Variants in RAD50 observed in about 807,000 individuals in gnomAD.
The protein encoded by RAD50 is RAD50 double strand break repair protein.
Under a neutral mutation model 168.8 loss-of-function variants are expected in RAD50, and 132 were observed. That is an observed-to-expected ratio of 0.78 (90% CI 0.68 to 0.90). The LOEUF is 0.90. RAD50 is among the 40% of genes least tolerant of loss of function. The pLI is 0.00. For synonymous variants in RAD50, 525 were observed against 497.4 expected, an observed-to-expected ratio of 1.06 and a Z score of -0.74; for missense variants, 1,347 against 1,534.4, an observed-to-expected ratio of 0.88 and a Z score of 2.04.
At chr5:132,625,614 C>T (rs1751361422) in intron 21 of RAD50, among the ~76,000 whole-genome samples, 1 of 152,098 alleles carries the variant, frequency 6.6e-6, no homozygotes, top group Non-Finnish European at 1.5e-5. Flanking sequence ...ACTGTAGTCA[C>T]TCTGTTGTGC....
At chr5:132,588,619 A>C (rs1750638518) in intron 7 of RAD50, 68 bp from the exon 8 acceptor site, 3 of 1,428,204 alleles carry the variant, frequency 2.1e-6, no homozygotes, top group African/African-American at 2.9e-5. Context: ...ATAACTCGTG[A>C]ATCTGCAGCT....
Position 132,642,765 on chromosome 5 carries a change from T to TTTAC in RAD50, c.*404_*407dup, listed in dbSNP as rs1254741270. On this transcript the variant is annotated 3_prime_UTR_variant, in exon 25 of 25. Coordinates refer to ENST00000378823, the MANE Select transcript of RAD50 (RefSeq NM_005732.4). ...ATCATAGTTAAATGTTACCTCTGAATTTACTTCCTTGCATGTGGTTTGAAA... is the reference window on the plus strand; with the variant it reads ...ATCATAGTTAAATGTTACCTCTGAATTTACTTACTTCCTTGCATGTGGTTTGAAA... 2.8e-6 allele frequency: 1 copy of TTTAC among 362,468 alleles called. No individual in the cohort carries two copies. Among genetic ancestry groups the TTTAC allele is most frequent in the Non-Finnish European group, 5.3e-6 (1 of 188,704 alleles). 22.5% of individuals were successfully genotyped at this position (362,468 alleles called of 1,614,324 possible). A position where few individuals can be genotyped will look rare whatever the true frequency, so the allele number is the denominator to read the frequency against.
At chr5:132,603,789 T>C in intron 14 of RAD50, 131 bp from the exon 15 acceptor site, 1 of 937,530 alleles carries the variant, frequency 1.1e-6, no homozygotes, top group South Asian at 1.7e-5. Context: ...TATTAAACTT[T>C]GCTAAAATTG....
At chr5:132,571,629 G>T (rs1334443670) in intron 2 of RAD50, among the ~76,000 whole-genome samples, 2 of 152,076 alleles carry the variant, frequency 1.3e-5, no homozygotes, top group Non-Finnish European at 2.9e-5. Context: ...GAGGTAGGAG[G>T]ATTGCTTATG....
At chr5:132,587,276 T>C (rs1404224561) in intron 5 of RAD50, among the ~76,000 whole-genome samples, 2 of 152,146 alleles carry the variant, frequency 1.3e-5, no homozygotes, top group Non-Finnish European at 2.9e-5. Flanking sequence ...AAATGCCCAA[T>C]GAATGAATAA....
intron 2 of RAD50, among the ~76,000 whole-genome samples, chr5:132,565,231 T>C (rs1750186174): frequency 6.6e-6 from 1 of 152,152 alleles, no homozygotes; most frequent in Non-Finnish European, 1.5e-5. Flanking sequence ...TTGCTTCCTG[T>C]ATAGCATGTG....
rs1751787068 is a variant in RAD50 at position 132,643,689 on chromosome 5, A to AC, written c.*1327dup. The AC allele has an allele frequency of 2.0e-5, 3 of 147,160 alleles. No homozygotes were observed. In the East Asian group the frequency reaches 4.2e-4, roughly 20 times the overall value. 9.1% of individuals were successfully genotyped at this position (147,160 alleles called of 1,614,324 possible). On this transcript the variant is annotated 3_prime_UTR_variant, in exon 25 of 25. Transcript: ENST00000378823. ...TTTGCAGATGTGATTAAAGCTAAGG[A>AC]CCTTAAGACAGAGTATCCTGGGGGT...
intron 21 of RAD50, among the ~76,000 whole-genome samples, chr5:132,634,711 G>A (rs1359673901): frequency 6.6e-6 from 1 of 152,038 alleles, no homozygotes; most frequent in African/African-American, 2.4e-5. Flanking sequence ...GAGTCATTTT[G>A]TCCAGTTAAG....
chr5:132,602,432 T>C (rs999916252), intron 13 of RAD50, among the ~76,000 whole-genome samples: 8 of 152,224 alleles, frequency 5.3e-5, no homozygotes, highest in African/African-American at 1.9e-4. Context: ...TAGTTGTCAG[T>C]ACCTGCCATG....
At chr5:132,607,712 T>A (rs1751010200) in intron 16 of RAD50, among the ~76,000 whole-genome samples, 6 of 152,330 alleles carry the variant, frequency 3.9e-5, no homozygotes, top group Admixed American at 3.9e-4. Context: ...GATTTACAAA[T>A]GTCTCATGAG....
At chr5:132,597,738 G>A (rs1346738578) in intron 13 of RAD50, among the ~76,000 whole-genome samples, 1 of 152,176 alleles carries the variant, frequency 6.6e-6, no homozygotes, top group East Asian at 1.9e-4. Flanking sequence ...AATAATAAGT[G>A]CTGTTATTTT....
rs561992053 is a variant in RAD50, at chr5:132,575,921, A to T, written c.358A>T (p.Arg120Ter). Reference sequence around the variant, plus strand: ...TAAAACTCTGGAAGGAGTCATTACTAGAACAAAGTAGGTGTTTATATGATA... The same window carrying T: ...TAAAACTCTGGAAGGAGTCATTACTTGAACAAAGTAGGTGTTTATATGATA... ...EFKTLEGVITRTKHGEKVSLS... is the reference protein window; with the variant it reads ...EFKTLEGVIT The change falls in exon 3 of 25, where the codon AGA becomes TGA. Residue 120 changes from arginine to a stop codon, truncating the protein, a stop_gained. Transcript: ENST00000378823. LOFTEE classifies it high-confidence loss of function. The T allele has an allele frequency of 6.2e-7, 1 of 1,608,240 alleles. No homozygotes were observed. The highest frequency in any genetic ancestry group is 8.5e-7 in the Non-Finnish European group (1 of 1,175,170).
chr5:132,574,916 T>C (rs903035231), intron 2 of RAD50, among the ~76,000 whole-genome samples: 5 of 152,214 alleles, frequency 3.3e-5, no homozygotes, highest in Admixed American at 6.5e-5. Context: ...TGGATTTCAT[T>C]GTCCATATCC....
intron 21 of RAD50, among the ~76,000 whole-genome samples, chr5:132,620,624 ACTC>A (rs914683052): frequency 6.7e-5 from 10 of 150,244 alleles, no homozygotes; most frequent in African/African-American, 2.5e-4. Flanking sequence ...ATTTTTCTTG[ACTC>A]CTCCTTTTTC....
At chr5:132,581,260 C>T (rs753529989) in intron 5 of RAD50, among the ~76,000 whole-genome samples, 30 of 147,298 alleles carry the variant, frequency 2.0e-4, no homozygotes, top group Non-Finnish European at 3.7e-4. Flanking sequence ...CCACCACGCC[C>T]GGCTAAATAA....
chr5:132,637,241 C>G (rs1483042111), intron 22 of RAD50, 41 bp downstream of exon 22: 3 of 1,587,048 alleles, frequency 1.9e-6, no homozygotes, highest in African/African-American at 1.3e-5. Flanking sequence ...TTCCAAAGCC[C>G]TCTCCGCAGC....
At chr5:132,610,773 G>T (rs533889206) in intron 19 of RAD50, among the ~76,000 whole-genome samples, 11 of 152,170 alleles carry the variant, frequency 7.2e-5, no homozygotes, top group African/African-American at 2.6e-4. Context: ...TTATGTAGTT[G>T]CCTATATAAA....
At position 132,641,532 on chromosome 5, in the gene RAD50, A is replaced by T. The variant is rs562079003; in HGVS notation, c.3753-646A>T. On this transcript the variant is annotated intron_variant, in intron 24 of 24. Coordinates refer to ENST00000378823, the MANE Select transcript of RAD50 (RefSeq NM_005732.4). ...ACAAGTAAGGGCGAGTGCTTTTGAA[A>T]CCTCAAATGCATCCAGCTCCAGGAA... is the stretch of plus-strand genomic sequence containing the variant. Among the ~76,000 whole-genome samples, 3 of 152,128 alleles carry T rather than the reference A, an allele frequency of 2.0e-5. No individual in the cohort carries two copies. In the South Asian group the frequency reaches 6.2e-4, roughly 32 times the overall value.
In RAD50 at chr5:132,640,779, T is replaced by C; in HGVS notation, c.3726T>C (p.Ile1242=). ...CAACAAATCTTGACCGAGAAAACATTGAATCTCTTGCACATGCTCTGGTTG... is the reference window on the plus strand; with the variant it reads ...CAACAAATCTTGACCGAGAAAACATCGAATCTCTTGCACATGCTCTGGTTG... ...EPTTNLDREN[I]ESLAHALVEI... Residue 1242 remains isoleucine, a synonymous_variant, in exon 24 of 25, where the codon ATT becomes ATC. Transcript: ENST00000378823. 1 of 1,614,174 alleles carries C rather than the reference T, an allele frequency of 6.2e-7. No individual in the cohort carries two copies. Among genetic ancestry groups the C allele is most frequent in the Middle Eastern group, 1.6e-4 (1 of 6,062 alleles).
Sources: gnomAD v4.1 joint callset for allele counts (sites outside exome capture counted in the v4.1 genomes callset) on GRCh38, gnomAD v4.1.1 for gene constraint, MANE v1.5 for transcripts, NCBI Gene and HGNC (gene_info 2026-07-23, HGNC 2026-07-21) for gene names.